The following WDR49 variants were observed in gnomAD, a reference collection of about 807,000 sequenced individuals.
WDR49 encodes WD repeat domain 49, also known as cilia- and flagella-associated protein 337.
Under a neutral mutation model 119.5 loss-of-function variants are expected in WDR49, and 107 were observed. The observed-to-expected ratio is 0.90, with a 90% confidence interval of 0.77 to 1.05. WDR49 has a LOEUF of 1.05. Among genes scored for constraint, WDR49 ranks in the 50% least tolerant of loss-of-function variants. WDR49 has a pLI of 0.00. For missense variants in WDR49, 1,240 were observed against 1,220.5 expected, an observed-to-expected ratio of 1.02 and a Z score of -0.24; for synonymous variants, 425 against 418.8, an observed-to-expected ratio of 1.01 and a Z score of -0.18.
At chr3:167,587,902 G>C (rs927176307) in intron 7 of WDR49, among the ~76,000 whole-genome samples, 6 of 152,046 alleles carry the variant, frequency 3.9e-5, no homozygotes, top group Non-Finnish European at 7.4e-5. Context: ...ATCACATCAG[G>C]GTAAATGGAG....
At chr3:167,646,094 A>C (rs765772829) in intron 2 of WDR49, among the ~76,000 whole-genome samples, 3 of 152,170 alleles carry the variant, frequency 2.0e-5, no homozygotes, top group Non-Finnish European at 4.4e-5. Flanking sequence ...TAAGTAAAAT[A>C]TGATCAGCAT....
intron 2 of WDR49, among the ~76,000 whole-genome samples, chr3:167,628,988 T>C (rs1261924103): frequency 6.6e-6 from 1 of 152,116 alleles, no homozygotes; most frequent in Non-Finnish European, 1.5e-5. Flanking sequence ...CTGGGCACAG[T>C]GGCTCATGCC....
chr3:167,493,846 TC>T (rs898961570), intron 18 of WDR49, among the ~76,000 whole-genome samples: 2 of 152,168 alleles, frequency 1.3e-5, no homozygotes, highest in African/African-American at 4.8e-5. Context: ...CACCTCCATC[TC>T]AACATATCTT....
chr3:167,531,344 A>G (rs1460658003), intron 12 of WDR49, 65 bp from the exon 13 acceptor site: 18 of 1,554,430 alleles, frequency 1.2e-5, no homozygotes, highest in African/African-American at 1.1e-4. Context: ...ACTAATGCCT[A>G]TGAAATAGCA....
At chr3:167,582,971 C>T (rs368950577) in intron 7 of WDR49, among the ~76,000 whole-genome samples, 5 of 140,258 alleles carry the variant, frequency 3.6e-5, no homozygotes, top group African/African-American at 1.0e-4. Context: ...CACACACATA[C>T]ACACACACAC....
chr3:167,624,369 A>T (rs1717024264), intron 3 of WDR49, among the ~76,000 whole-genome samples: 1 of 152,066 alleles, frequency 6.6e-6, no homozygotes, highest in South Asian at 2.1e-4. Flanking sequence ...AAAGAAAAAA[A>T]GGAGTACACA....
In WDR49 at chr3:167,620,508, C is replaced by T. The variant is rs1305164940; in HGVS notation, c.879G>A (p.Trp293Ter). The T allele has an allele frequency of 6.5e-7, 1 of 1,536,054 alleles. No homozygotes were observed. ...EDGEATMTINWAELLSGCHKC... is the reference protein window; with the variant it reads ...EDGEATMTIN ...TGTGACATCCAGAGAGCAGCTCTGC[C>T]CAGTTAATGGTCATAGTGGCTTCTC... The change falls in exon 5 of 19, where the codon TGG becomes TGA. Residue 293 changes from tryptophan (W) to a stop codon, truncating the protein, a stop_gained. Transcript: ENST00000682715. LOFTEE classifies it high-confidence loss of function.
At chr3:167,542,832 C>G (rs189389909) in intron 10 of WDR49, among the ~76,000 whole-genome samples, 1 of 151,658 alleles carries the variant, frequency 6.6e-6, no homozygotes, top group Non-Finnish European at 1.5e-5. Context: ...AAAAAAAATG[C>G]AAAAGATAAA....
chr3:167,624,955 C>G (rs1025044746), intron 3 of WDR49, among the ~76,000 whole-genome samples: 7 of 152,026 alleles, frequency 4.6e-5, no homozygotes, highest in African/African-American at 1.7e-4. Flanking sequence ...TCTTGGCAAC[C>G]CTGATTACAT....
intron 15 of WDR49, 26 bp from the exon 16 acceptor site, chr3:167,522,510 TA>T: frequency 1.9e-6 from 3 of 1,577,318 alleles, no homozygotes; most frequent in Non-Finnish European, 2.6e-6. Context: ...ACATCTGTTT[TA>T]TTTTTATGAA....
chr3:167,539,060 G>T (rs1410829063), intron 10 of WDR49, among the ~76,000 whole-genome samples: 1 of 152,010 alleles, frequency 6.6e-6, no homozygotes, highest in Non-Finnish European at 1.5e-5. Flanking sequence ...TTTGAGAGAG[G>T]CACTGGAAGC....
intron 7 of WDR49, among the ~76,000 whole-genome samples, chr3:167,593,734 G>A (rs1381967745): frequency 6.6e-6 from 1 of 151,984 alleles, no homozygotes; most frequent in East Asian, 1.9e-4. Context: ...TTGGCTTATT[G>A]GTAGCTATCT....
intron 5 of WDR49, among the ~76,000 whole-genome samples, chr3:167,615,509 T>G (rs1323434933): frequency 6.6e-6 from 1 of 152,060 alleles, no homozygotes; most frequent in Non-Finnish European, 1.5e-5. Context: ...CTTTTGATAT[T>G]TCTCTTTTCT....
chr3:167,539,596 T>C (rs985179926), intron 10 of WDR49, among the ~76,000 whole-genome samples: 1 of 152,152 alleles, frequency 6.6e-6, no homozygotes, highest in African/African-American at 2.4e-5. Context: ...ATGCATCTTG[T>C]CTTAATCTGT....
intron 3 of WDR49, 42 bp from the exon 4 acceptor site, chr3:167,621,685 A>G: frequency 2.0e-6 from 3 of 1,480,710 alleles, no homozygotes; most frequent in Non-Finnish European, 2.7e-6. Context: ...ATTCTGATGG[A>G]TTTAGCAAAA....
chr3:167,575,778 G>T, intron 8 of WDR49, 140 bp downstream of exon 8: 1 of 808,466 alleles, frequency 1.2e-6, no homozygotes, highest in Non-Finnish European at 1.9e-6. Flanking sequence ...TTGCAGAAAA[G>T]CACATGGCTA....
At chr3:167,619,688 T>A (rs1210823483) in intron 5 of WDR49, among the ~76,000 whole-genome samples, 1 of 152,174 alleles carries the variant, frequency 6.6e-6, no homozygotes, top group African/African-American at 2.4e-5. Context: ...AATGAGATTG[T>A]TAATTTTCAT....
At chr3:167,629,909 T>C (rs1426905955) in intron 2 of WDR49, among the ~76,000 whole-genome samples, 2 of 152,126 alleles carry the variant, frequency 1.3e-5, no homozygotes, top group Non-Finnish European at 2.9e-5. Flanking sequence ...GGTTGCTTCT[T>C]ATAGATGAGC....
rs146935031 is a variant in WDR49, at chr3:167,524,754, C to T, written c.2605-2270G>A. Among the ~76,000 whole-genome samples the T allele has an allele frequency of 3.4e-3, 522 of 152,074 alleles. 9 individuals carry two copies. The highest frequency in any genetic ancestry group is 5.1e-3 in the African/African-American group (212 of 41,458). On this transcript the variant is annotated intron_variant, in intron 15 of 18. Transcript: ENST00000682715. ...TATTTATGAGGCCTCTGTTCTATTC[C>T]ATTGGTCTCTTTATCTGTTTTGGTA... is the stretch of plus-strand genomic sequence containing the variant.
Sources: gnomAD v4.1 joint callset for allele counts (sites outside exome capture counted in the v4.1 genomes callset) on GRCh38, gnomAD v4.1.1 for gene constraint, MANE v1.5 for transcripts, NCBI Gene and HGNC (gene_info 2026-07-23, HGNC 2026-07-21) for gene names.